Variants in CRY2 observed in about 807,000 individuals in gnomAD.
CRY2 encodes the protein cryptochrome-2.
Under a neutral mutation model 69.5 loss-of-function variants are expected in CRY2, and 31 were observed. The observed-to-expected ratio is 0.45, with a 90% CI of 0.34 to 0.60. CRY2 has a LOEUF of 0.60. Among genes scored for constraint, CRY2 ranks in the 20% least tolerant of loss-of-function variants. The pLI, the probability that CRY2 is intolerant of heterozygous loss-of-function variation, is 0.02. For synonymous variants in CRY2, 303 were observed against 312.2 expected (o/e 0.97, Z 0.31); for missense variants, 606 against 797.8 (o/e 0.76, Z 2.90).
chr11:45,862,654 G>C (rs1046987754), intron 5 of CRY2, among the ~76,000 whole-genome samples: 2 of 152,188 alleles, frequency 1.3e-5, no homozygotes, highest in Admixed American at 1.3e-4. Context: ...TCATCTGTGG[G>C]CAGGTTCCCC....
chr11:45,862,471 G>A (rs2086295605), intron 5 of CRY2, among the ~76,000 whole-genome samples: 1 of 152,206 alleles, frequency 6.6e-6, no homozygotes, highest in Non-Finnish European at 1.5e-5. Flanking sequence ...GAGAGGTTAA[G>A]TAACTTGCCT....
intron 4 of CRY2, 186 bp downstream of exon 4, chr11:45,861,218 A>G: frequency 1.6e-6 from 1 of 637,060 alleles, no homozygotes; most frequent in Non-Finnish European, 2.7e-6. Flanking sequence ...GTGTCCTTCT[A>G]GTATTTGTTC....
chr11:45,878,071 C>G (rs1377067204), intron 11 of CRY2, among the ~76,000 whole-genome samples: 1 of 152,220 alleles, frequency 6.6e-6, no homozygotes, highest in East Asian at 1.9e-4. Context: ...ATCCACCTGA[C>G]TGTACCTCAC....
intron 9 of CRY2, 57 bp from the exon 10 acceptor site, chr11:45,870,785 G>A (rs969499750): frequency 1.8e-5 from 26 of 1,466,646 alleles, no homozygotes; most frequent in Non-Finnish European, 2.4e-5. Flanking sequence ...ATCCTGCCCT[G>A]TAGCCCTCTG....
rs1211579502 is a variant in CRY2 at position 45,860,345 on chromosome 11, C to T, written c.468-503C>T. On this transcript the variant is annotated intron_variant, in intron 3 of 11. Coordinates refer to ENST00000616080, the MANE Select transcript of CRY2 (RefSeq NM_021117.5). ...GGAGGCTAAGAAGGGGATGATTTTC[C>T]AAGAAAGGAACATGTCTGCTATTCC... 4.2e-5 allele frequency among the ~76,000 whole-genome samples: 6 copies of T among 143,414 alleles called. No individual in the cohort carries two copies. In the East Asian group the frequency reaches 1.2e-3, roughly 29 times the overall value. 94.1% of individuals were successfully genotyped at this position (143,414 alleles called of 152,430 possible). A position where few individuals can be genotyped will look rare whatever the true frequency, so the allele number is the denominator to read the frequency against.
At position 45,870,855 on chromosome 11, in the gene CRY2, T is replaced by C. The variant is rs2086374463; in HGVS notation, c.1563T>C (p.Ser521=). Residue 521 remains serine (S), a synonymous_variant, in exon 10 of 12, where the codon TCT becomes TCC. Transcript: ENST00000616080. ...CCTCTCTCCCAGGTCTACTGGCATCTGTCCCTTCCTGTGTGGAAGACCTCA... is the reference window on the plus strand; with the variant it reads ...CCTCTCTCCCAGGTCTACTGGCATCCGTCCCTTCCTGTGTGGAAGACCTCA... ...SRYRGLCLLA[S]VPSCVEDLSH... 3 of 1,613,570 alleles carry C rather than the reference T, an allele frequency of 1.9e-6. No individual in the cohort carries two copies. The highest frequency in any genetic ancestry group is 2.5e-6 in the Non-Finnish European group (3 of 1,179,952).
At chr11:45,848,877 A>G (rs762289797) in intron 1 of CRY2, among the ~76,000 whole-genome samples, 4 of 152,168 alleles carry the variant, frequency 2.6e-5, no homozygotes, top group Non-Finnish European at 5.9e-5. Flanking sequence ...CCTCCTGCCC[A>G]GAAGGAACAA....
intron 10 of CRY2, 22 bp from the exon 11 acceptor site, chr11:45,872,070 C>T (rs2086387670): frequency 6.2e-7 from 1 of 1,613,348 alleles, no homozygotes; most frequent in Admixed American, 1.7e-5. Flanking sequence ...TCTGTGTGAC[C>T]CTTTGACACG....
At chr11:45,880,300 C>T (rs2086461396) in intron 11 of CRY2, among the ~76,000 whole-genome samples, 1 of 152,180 alleles carries the variant, frequency 6.6e-6, no homozygotes, top group South Asian at 2.1e-4. Flanking sequence ...CCTTTATTAT[C>T]AGGGATGAAG....
chr11:45,869,575 G>A lies in CRY2; in HGVS notation c.952G>A (p.Ala318Thr), dbSNP rs759237570. Residue 318 changes from alanine (A) to threonine (T), a missense_variant, in exon 7 of 12, where the codon GCA (alanine) becomes ACA (threonine). Transcript: ENST00000616080. ...QLLWREFFYT[A>T]ATNNPRFDRM... ...CCTATGGCGAGAGTTCTTCTACACG[G>A]CAGCTACCAACAACCCCAGGTTTGA... 6.2e-7 allele frequency: 1 copy of A among 1,614,098 alleles called. No homozygotes were observed. The highest frequency in any genetic ancestry group is 1.3e-5 in the African/African-American group (1 of 74,946).
intron 3 of CRY2, among the ~76,000 whole-genome samples, chr11:45,860,202 A>G (rs1270407576): frequency 6.6e-6 from 1 of 152,124 alleles, no homozygotes; most frequent in Non-Finnish European, 1.5e-5. Flanking sequence ...CATGAAAAAT[A>G]CTTTGTAAAC....
At chr11:45,859,748 G>A (rs1314512878) in intron 3 of CRY2, among the ~76,000 whole-genome samples, 1 of 151,980 alleles carries the variant, frequency 6.6e-6, no homozygotes, top group East Asian at 1.9e-4. Flanking sequence ...CCCCTTCCCT[G>A]CCATGCCAGA....
chr11:45,864,089 G>T (rs536639842), intron 5 of CRY2, among the ~76,000 whole-genome samples: 2 of 152,304 alleles, frequency 1.3e-5, no homozygotes, highest in East Asian at 3.9e-4. Flanking sequence ...GCCCCCTGTA[G>T]TCTTGTCAAA....
intron 7 of CRY2, 76 bp downstream of exon 7, chr11:45,869,893 G>C: frequency 6.5e-7 from 1 of 1,526,808 alleles, no homozygotes; most frequent in Admixed American, 2.0e-5. Context: ...CTTCTGGGCT[G>C]AGGGATGAGG....
chr11:45,871,031 A>G, intron 10 of CRY2, 97 bp downstream of exon 10: 1 of 984,872 alleles, frequency 1.0e-6, no homozygotes, highest in Non-Finnish European at 1.5e-6. Flanking sequence ...TGCCCAGTGG[A>G]GCTTATATTC....
At position 45,870,286 on chromosome 11, in the gene CRY2, G is replaced by C. The variant is rs770424465; in HGVS notation, c.1347-44G>C. On this transcript the variant is annotated intron_variant, in intron 8 of 11. Transcript: ENST00000616080. ...GGGATACCCTGGGCCTTTTGAAGGA[G>C]GGTCTGGGTATGCTGATGGGTCATC... is the stretch of plus-strand genomic sequence containing the variant. 5.0e-6 allele frequency: 8 copies of C among 1,613,198 alleles called. No homozygotes were observed. In the African/African-American group the frequency reaches 5.3e-5, roughly 11 times the overall value.
chr11:45,861,195 T>A, intron 4 of CRY2, 163 bp downstream of exon 4: 1 of 701,082 alleles, frequency 1.4e-6, no homozygotes, highest in Non-Finnish European at 2.3e-6. Flanking sequence ...GTAACCACAA[T>A]TAATTTTAAA....
Position 45,870,237 on chromosome 11 carries a change from A to G in CRY2, c.1346+33A>G, listed in dbSNP as rs769073704. 5 of 1,610,306 alleles carry G rather than the reference A, an allele frequency of 3.1e-6. No homozygotes were observed. In the East Asian group the frequency reaches 8.9e-5, roughly 29 times the overall value. ...TACAGACCAGGCTCTCTGGCCTCTG[A>G]CCACTGTGGCCTCCTACTAGGATGG... On this transcript the variant is annotated intron_variant, in intron 8 of 11. Transcript: ENST00000616080.
At chr11:45,870,720 G>T in intron 9 of CRY2, 122 bp from the exon 10 acceptor site, 1 of 1,088,296 alleles carries the variant, frequency 9.2e-7, no homozygotes, top group Non-Finnish European at 1.3e-6. Context: ...TGGGGCTGTG[G>T]GAGGAAATGG....
Sources: gnomAD v4.1 joint callset for allele counts (sites outside exome capture counted in the v4.1 genomes callset) on GRCh38, gnomAD v4.1.1 for gene constraint, MANE v1.5 for transcripts, NCBI Gene and HGNC (gene_info 2026-07-23, HGNC 2026-07-21) for gene names.